Variants in CLINT1 observed in about 807,000 individuals in gnomAD.
CLINT1 encodes clathrin interactor 1.
CLINT1 carries 15 observed loss-of-function variants against 70.4 expected under a neutral mutation model. The observed-to-expected ratio is 0.21, with a 90% confidence interval of 0.14 to 0.33. CLINT1 has a LOEUF of 0.33. Ranked by LOEUF, CLINT1 falls within the 10% of genes least tolerant of loss-of-function variation. The probability of loss-of-function intolerance (pLI) is 1.00; values close to 1 mark genes in which losing one functional copy is unlikely to be tolerated. For synonymous variants in CLINT1, 227 were observed against 254.7 expected (o/e 0.89, Z 1.04); for missense variants, 615 against 778.1 (o/e 0.79, Z 2.49).
At chr5:157,795,108 G>C in intron 8 of CLINT1, 136 bp from the exon 9 acceptor site, 1 of 669,858 alleles carries the variant, frequency 1.5e-6, no homozygotes, top group East Asian at 2.7e-5. Context: ...AAGCTAGTCT[G>C]TTGACCTAGA....
chr5:157,855,460 T>A (rs1436229591), intron 1 of CLINT1, among the ~76,000 whole-genome samples: 1 of 152,156 alleles, frequency 6.6e-6, no homozygotes, highest in Non-Finnish European at 1.5e-5. Context: ...GTGCCACTTA[T>A]CCTTTCCTGC....
At chr5:157,840,912 T>C (rs1350555656) in intron 1 of CLINT1, among the ~76,000 whole-genome samples, 4 of 151,968 alleles carry the variant, frequency 2.6e-5, no homozygotes, top group African/African-American at 9.7e-5. Context: ...ATTTTTTTCT[T>C]TTTAATATGC....
intron 8 of CLINT1, among the ~76,000 whole-genome samples, chr5:157,802,871 T>C (rs1195738488): frequency 6.6e-6 from 1 of 152,202 alleles, no homozygotes; most frequent in Non-Finnish European, 1.5e-5. Context: ...GTTTGGTAGT[T>C]ACATACTTTC....
chr5:157,833,601 C>T lies in CLINT1; in HGVS notation c.42-16054G>A, dbSNP rs78348932. Among the ~76,000 whole-genome samples the T allele has an allele frequency of 6.9e-3, 1,045 of 152,216 alleles. 10 individuals carry two copies. Among genetic ancestry groups the T allele is most frequent in the African/African-American group, 0.023 (962 of 41,540 alleles). ...CAAAACAGTTGGGAGTCTGTGTACA[C>T]GCTCTTCATAGCACCCTTTGCTTTC... On this transcript the variant is annotated intron_variant, in intron 1 of 11. Coordinates refer to ENST00000411809, the MANE Select transcript of CLINT1 (RefSeq NM_014666.4).
chr5:157,815,923 A>T (rs1320211248), intron 3 of CLINT1, among the ~76,000 whole-genome samples: 2 of 152,236 alleles, frequency 1.3e-5, no homozygotes, highest in Non-Finnish European at 2.9e-5. Flanking sequence ...ATATAAGCAG[A>T]CCATCATTGA....
chr5:157,858,834 GC>G, intron 1 of CLINT1, 95 bp downstream of exon 1: 1 of 1,317,984 alleles, frequency 7.6e-7, no homozygotes, highest in East Asian at 2.7e-5. Flanking sequence ...GAGCCAGGGG[GC>G]GTGACGTGGG....
chr5:157,846,294 A>G (rs1753375367), intron 1 of CLINT1, among the ~76,000 whole-genome samples: 2 of 152,262 alleles, frequency 1.3e-5, no homozygotes, highest in South Asian at 4.1e-4. Context: ...GTGCTAGTCT[A>G]GTGAACACAA....
chr5:157,829,236 C>G (rs2113256531), intron 1 of CLINT1, among the ~76,000 whole-genome samples: 1 of 152,284 alleles, frequency 6.6e-6, no homozygotes, highest in East Asian at 1.9e-4. Flanking sequence ...GTGCCCTCAA[C>G]AGGAAAGACT....
intron 5 of CLINT1, among the ~76,000 whole-genome samples, chr5:157,810,186 C>T (rs557748987): frequency 3.3e-5 from 5 of 152,136 alleles, no homozygotes; most frequent in Non-Finnish European, 5.9e-5. Context: ...ATATTTTATT[C>T]CTGTCCCTTA....
At chr5:157,849,560 AT>A (rs957884330) in intron 1 of CLINT1, among the ~76,000 whole-genome samples, 1 of 152,152 alleles carries the variant, frequency 6.6e-6, no homozygotes, top group Non-Finnish European at 1.5e-5. Context: ...CTGTATAACA[AT>A]TTTTTTGTTT....
chr5:157,802,266 C>T lies in CLINT1; in HGVS notation c.1012+1384G>A, dbSNP rs533280250. Among the ~76,000 whole-genome samples the T allele has an allele frequency of 2.6e-5, 4 of 152,262 alleles. No homozygotes were observed. The South Asian group carries it at 8.3e-4, about 32-fold the overall frequency. Reference sequence around the variant, plus strand: ...TTTACTTTGCACATTAGTCATACCCCCATCTTACTGTCTACATTTTAATGT... The same window carrying T: ...TTTACTTTGCACATTAGTCATACCCTCATCTTACTGTCTACATTTTAATGT... On this transcript the variant is annotated intron_variant, in intron 8 of 11. Coordinates refer to ENST00000411809, the MANE Select transcript of CLINT1 (RefSeq NM_014666.4).
chr5:157,836,249 A>G (rs1213387846), intron 1 of CLINT1, among the ~76,000 whole-genome samples: 1 of 152,210 alleles, frequency 6.6e-6, no homozygotes, highest in Non-Finnish European at 1.5e-5. Flanking sequence ...AATCTTCCTA[A>G]CAACTCTATG....
chr5:157,815,088 AG>A (rs1399327075), intron 3 of CLINT1, among the ~76,000 whole-genome samples: 2 of 151,340 alleles, frequency 1.3e-5, no homozygotes, highest in East Asian at 3.9e-4. Flanking sequence ...ACCTGAAGGT[AG>A]AAAATTTTGC....
At chr5:157,849,533 A>G (rs1034084572) in intron 1 of CLINT1, among the ~76,000 whole-genome samples, 1 of 152,206 alleles carries the variant, frequency 6.6e-6, no homozygotes, top group Non-Finnish European at 1.5e-5. Flanking sequence ...TAAACCTGTA[A>G]TATCTCTGAG....
intron 1 of CLINT1, among the ~76,000 whole-genome samples, chr5:157,836,399 G>C (rs951547578): frequency 1.3e-5 from 2 of 152,210 alleles, no homozygotes; most frequent in African/African-American, 4.8e-5. Flanking sequence ...TGAAGGTCCA[G>C]AGACCATGTT....
intron 1 of CLINT1, among the ~76,000 whole-genome samples, chr5:157,831,355 A>G (rs1027938604): frequency 3.3e-5 from 5 of 151,490 alleles, no homozygotes; most frequent in Non-Finnish European, 4.4e-5. Context: ...TGCCCAGCTA[A>G]TTTTTTTTGT....
At chr5:157,804,129 C>T (rs1581488250) in intron 7 of CLINT1, among the ~76,000 whole-genome samples, 2 of 151,628 alleles carry the variant, frequency 1.3e-5, no homozygotes, top group South Asian at 2.1e-4. Context: ...AAGGCCAAGA[C>T]CTTGGCCTGT....
At chr5:157,793,214 C>CTT (rs74754292) in intron 9 of CLINT1, among the ~76,000 whole-genome samples, 7 of 143,372 alleles carry the variant, frequency 4.9e-5, no homozygotes, top group Non-Finnish European at 6.2e-5. Context: ...CGTCTTTGAT[C>CTT]TTTTTTTTTT....
At chr5:157,820,803 C>A (rs1762859682) in intron 1 of CLINT1, among the ~76,000 whole-genome samples, 1 of 152,128 alleles carries the variant, frequency 6.6e-6, no homozygotes, top group Admixed American at 6.5e-5. Flanking sequence ...CTGAAAACTT[C>A]TGACACAAAT....
Sources: gnomAD v4.1 joint callset for allele counts (sites outside exome capture counted in the v4.1 genomes callset) on GRCh38, gnomAD v4.1.1 for gene constraint, MANE v1.5 for transcripts, NCBI Gene and HGNC (gene_info 2026-07-23, HGNC 2026-07-21) for gene names.